The following RORA variants were observed in gnomAD, a reference collection of about 807,000 sequenced individuals.
RORA encodes the protein nuclear receptor ROR-alpha.
In RORA, 7 loss-of-function variants were observed where a neutral mutation model predicts 69.5. That is an observed-to-expected ratio of 0.10 (90% CI 0.06 to 0.19). The LOEUF is 0.19. Among genes scored for constraint, RORA ranks in the 10% least tolerant of loss-of-function variants. The pLI is 1.00. For missense variants in RORA, 457 were observed against 663.0 expected, an observed-to-expected ratio of 0.69 and a Z score of 3.41; for synonymous variants, 261 against 240.8, an observed-to-expected ratio of 1.08 and a Z score of -0.78.
intron 2 of RORA, among the ~76,000 whole-genome samples, chr15:60,653,628 AC>A (rs1027558703): frequency 6.6e-6 from 1 of 151,978 alleles, no homozygotes; most frequent in Non-Finnish European, 1.5e-5. Context: ...AGATTAAATA[AC>A]CTGCCCACAG....
chr15:60,918,229 A>T (rs1891937746), intron 1 of RORA, among the ~76,000 whole-genome samples: 1 of 152,234 alleles, frequency 6.6e-6, no homozygotes, highest in Non-Finnish European at 1.5e-5. Context: ...CTCACTTTCC[A>T]GATTCAAGGA....
intron 1 of RORA, among the ~76,000 whole-genome samples, chr15:60,792,273 TGAA>T (rs1422425380): frequency 1.3e-5 from 2 of 151,942 alleles, no homozygotes; most frequent in Non-Finnish European, 2.9e-5. Context: ...GAGAAAATAA[TGAA>T]GAAGAGTGAA....
At chr15:60,939,275 G>A (rs564603451) in intron 1 of RORA, among the ~76,000 whole-genome samples, 5 of 152,146 alleles carry the variant, frequency 3.3e-5, no homozygotes, top group Admixed American at 6.5e-5. Flanking sequence ...TTTCAGCATG[G>A]TAGCCCTGCC....
At chr15:61,067,385 T>C (rs1435970735) in intron 1 of RORA, among the ~76,000 whole-genome samples, 1 of 152,182 alleles carries the variant, frequency 6.6e-6, no homozygotes, top group African/African-American at 2.4e-5. Context: ...ATTACAGGTG[T>C]GAACTACTGT....
At chr15:60,634,752 C>T (rs987724978) in intron 2 of RORA, among the ~76,000 whole-genome samples, 1 of 152,124 alleles carries the variant, frequency 6.6e-6, no homozygotes, top group African/African-American at 2.4e-5. Flanking sequence ...TCCTGAAGCC[C>T]AGGTAATTTT....
intron 1 of RORA, among the ~76,000 whole-genome samples, chr15:60,766,385 C>T (rs1360812789): frequency 6.6e-6 from 1 of 152,072 alleles, no homozygotes; most frequent in Admixed American, 6.5e-5. Context: ...AAAAAGCCTT[C>T]GACAGAATAT....
chr15:60,887,883 T>C (rs1013401899), intron 1 of RORA, among the ~76,000 whole-genome samples: 13 of 152,218 alleles, frequency 8.5e-5, no homozygotes, highest in African/African-American at 3.1e-4. Context: ...CCCTCACATC[T>C]TACTTCACAT....
chr15:60,643,088 C>T (rs147741726), intron 2 of RORA, among the ~76,000 whole-genome samples: 66 of 152,240 alleles, frequency 4.3e-4, no homozygotes, highest in African/African-American at 1.5e-3. Flanking sequence ...ATCCGGAAGG[C>T]GAAGGTTGCA....
At position 60,927,774 on chromosome 15, in the gene RORA, AAAACAAAC is replaced by A. The variant is rs746418251; in HGVS notation, c.167-249096_167-249089del. ...GGGTGACAGAGGAAGACTCTGTCTC[AAAACAAAC>A]AAACAAACAAACAAAAAACACTGAA... On this transcript the variant is annotated intron_variant, in intron 1 of 10. Coordinates refer to ENST00000335670, the MANE Select transcript of RORA (RefSeq NM_134261.3). Among the ~76,000 whole-genome samples, 10 of 152,294 alleles carry A rather than the reference AAAACAAAC, an allele frequency of 6.6e-5. No individual in the cohort carries two copies. The South Asian group carries it at 1.7e-3, about 25-fold the overall frequency.
intron 1 of RORA, among the ~76,000 whole-genome samples, chr15:61,116,201 A>G (rs1322875821): frequency 1.3e-5 from 2 of 152,226 alleles, no homozygotes; most frequent in Non-Finnish European, 2.9e-5. Context: ...CAGGTGTGGT[A>G]CAGATGGCAT....
At chr15:60,782,173 T>C (rs1045109601) in intron 1 of RORA, among the ~76,000 whole-genome samples, 1 of 151,844 alleles carries the variant, frequency 6.6e-6, no homozygotes, top group East Asian at 1.9e-4. Flanking sequence ...TGCAGTGAGC[T>C]GAGATCGCGC....
intron 1 of RORA, among the ~76,000 whole-genome samples, chr15:61,040,367 A>T (rs1434415888): frequency 2.0e-5 from 3 of 151,716 alleles, no homozygotes; most frequent in Non-Finnish European, 4.4e-5. Context: ...GGAAGCTTTC[A>T]CATGAAATGC....
At chr15:61,041,534 T>C (rs927541493) in intron 1 of RORA, among the ~76,000 whole-genome samples, 2 of 152,212 alleles carry the variant, frequency 1.3e-5, no homozygotes, top group African/African-American at 2.4e-5. Context: ...TGGAAATTCA[T>C]TGGTTCATTT....
chr15:60,956,658 ATTAG>A (rs1893275657), intron 1 of RORA, among the ~76,000 whole-genome samples: 1 of 152,224 alleles, frequency 6.6e-6, no homozygotes, highest in African/African-American at 2.4e-5. Context: ...TTAGCAGTAT[ATTAG>A]TTTGTTAGGA....
intron 1 of RORA, among the ~76,000 whole-genome samples, chr15:60,942,670 T>C (rs550231459): frequency 1.1e-3 from 161 of 152,368 alleles, no homozygotes; most frequent in Non-Finnish European, 1.9e-3. Context: ...GAATGTTATA[T>C]GCATATACAT....
At chr15:61,203,964 C>G (rs1411561907) in intron 1 of RORA, among the ~76,000 whole-genome samples, 2 of 152,178 alleles carry the variant, frequency 1.3e-5, no homozygotes, top group East Asian at 3.9e-4. Context: ...TATTTTTTCA[C>G]TGAGGCTGCT....
chr15:60,993,234 T>C (rs1894435160), intron 1 of RORA, among the ~76,000 whole-genome samples: 3 of 152,222 alleles, frequency 2.0e-5, no homozygotes, highest in South Asian at 4.1e-4. Flanking sequence ...CAAGTATTCT[T>C]CCTCAGGCAC....
intron 1 of RORA, among the ~76,000 whole-genome samples, chr15:60,716,685 C>A (rs1480312056): frequency 6.6e-6 from 1 of 152,154 alleles, no homozygotes; most frequent in Non-Finnish European, 1.5e-5. Flanking sequence ...CTTTCCCCAC[C>A]TTTCTGATTG....
intron 1 of RORA, among the ~76,000 whole-genome samples, chr15:61,023,201 A>AAC (rs1202002992): frequency 6.9e-6 from 1 of 144,704 alleles, no homozygotes; most frequent in East Asian, 2.1e-4. Flanking sequence ...AAAAAAAAAA[A>AAC]AAAAAAAAAA....
Sources: allele counts gnomAD v4.1 joint callset (sites outside exome capture counted in the v4.1 genomes callset), GRCh38; gene constraint gnomAD v4.1.1; transcripts MANE v1.5; gene names NCBI Gene and HGNC (gene_info 2026-07-23, HGNC 2026-07-21).